VLDLR: variants seen among roughly 807,000 people sequenced by gnomAD.
VLDLR encodes the protein very low density lipoprotein receptor, also known as very low-density lipoprotein receptor.
In VLDLR, 81 loss-of-function variants were observed where a neutral mutation model predicts 112.7. The ratio of observed to expected loss-of-function variants is 0.72; its 90% CI spans 0.60 to 0.86. The LOEUF is 0.86. Ranked by LOEUF, VLDLR falls within the 40% of genes least tolerant of loss-of-function variation. The pLI, the probability that VLDLR is intolerant of heterozygous loss-of-function variation, is 0.00. For missense variants in VLDLR, 1,237 were observed against 1,099.4 expected (o/e 1.13, Z -1.77); for synonymous variants, 436 against 384.8 (o/e 1.13, Z -1.56).
intron 3 of VLDLR, among the ~76,000 whole-genome samples, chr9:2,641,006 T>C (rs148931912): frequency 1.5e-3 from 229 of 152,372 alleles, no homozygotes; most frequent in Non-Finnish European, 2.9e-3. Context: ...ACTTTTCATG[T>C]ATTTGAGATT....
rs35578050 is a variant in VLDLR, at chr9:2,651,251, G to A, written c.2252-164G>A. On this transcript the variant is annotated intron_variant, in intron 15 of 18. Transcript: ENST00000382100. ...TTCATGTATCTCTTTTTTGCATGAA[G>A]ATTGCTATTTCAATGTTGACACATC... Among the ~76,000 whole-genome samples the A allele has an allele frequency of 4.1e-3, 628 of 152,232 alleles. 6 individuals carry two copies. The highest frequency in any genetic ancestry group is 0.014 in the African/African-American group (585 of 41,528).
intron 2 of VLDLR, among the ~76,000 whole-genome samples, chr9:2,637,356 G>A: frequency 6.6e-6 from 1 of 152,172 alleles, no homozygotes; most frequent in East Asian, 1.9e-4. Context: ...TATTAGCCAT[G>A]TGCTTCTGTT....
At chr9:2,640,126 C>G in intron 3 of VLDLR, 145 bp downstream of exon 3, 3 of 1,305,454 alleles carry the variant, frequency 2.3e-6, no homozygotes, top group Non-Finnish European at 3.3e-6. Flanking sequence ...GCAGTCAAAT[C>G]ATTACCAGTT....
chr9:2,643,939 A>G lies in VLDLR; in HGVS notation c.1046A>G (p.Asp349Gly), dbSNP rs1429720245. 5.0e-6 allele frequency: 8 copies of G among 1,614,000 alleles called. No individual in the cohort carries two copies. The Admixed American group carries it at 5.0e-5, about 10-fold the overall frequency. The change falls in exon 7 of 19, where the codon GAT (aspartate) becomes GGT (glycine). Residue 349 changes from aspartate to glycine, a missense_variant. Transcript: ENST00000382100. ...GAGCAGGACTGCAGGGACTGGAGTGATGAGCCCCTGAAAGAGTGTCGTAAG... is the reference window on the plus strand; with the variant it reads ...GAGCAGGACTGCAGGGACTGGAGTGGTGAGCCCCTGAAAGAGTGTCGTAAG... Reference protein sequence around the residue: ...NQEQDCRDWSDEPLKECHINE... With the variant: ...NQEQDCRDWSGEPLKECHINE...
rs115484157 is a variant in VLDLR at position 2,645,253 on chromosome 9, A to G, written c.1312+171A>G. 7.9e-4 allele frequency among the ~76,000 whole-genome samples: 121 copies of G among 152,310 alleles called. 1 individual carries two copies. Among genetic ancestry groups the G allele is most frequent in the African/African-American group, 2.7e-3 (113 of 41,544 alleles). Reference sequence around the variant, plus strand: ...CAAATAGCAGATCTCTCCCCTAGATATGTACCTTGATCATTCCTTTTGCAT... The same window carrying G: ...CAAATAGCAGATCTCTCCCCTAGATGTGTACCTTGATCATTCCTTTTGCAT... On this transcript the variant is annotated intron_variant, in intron 9 of 18. Coordinates refer to ENST00000382100, the MANE Select transcript of VLDLR (RefSeq NM_003383.5).
intron 7 of VLDLR, among the ~76,000 whole-genome samples, 194 bp downstream of exon 7, chr9:2,644,153 G>GTTTTTTTTTTTTTTTTT (rs59793046): frequency 4.1e-5 from 4 of 96,386 alleles, no homozygotes; most frequent in East Asian, 2.9e-4. Flanking sequence ...TGTTTTTGTT[G>GTTTTTTTTTTTTTTTTT]TTTTTTTTTT....
rs1321608573 is a variant in VLDLR, at chr9:2,657,970, T to A, written c.*4102T>A. The stretch of plus-strand genomic sequence containing the variant: ...CCATGCTTCAGCCATATCATGGGCC[T>A]AAACTATGAGAGTTCAGAAATATAT... On this transcript the variant is annotated 3_prime_UTR_variant, in exon 19 of 19. Transcript: ENST00000382100. 6.6e-6 allele frequency: 1 copy of A among 152,216 alleles called. No individual in the cohort carries two copies. Among genetic ancestry groups the A allele is most frequent in the Non-Finnish European group, 1.5e-5 (1 of 68,032 alleles). The allele number at this position is 152,216 out of a possible 1,614,324, so 9.4% of individuals were successfully genotyped here.
chr9:2,624,616 T>A (rs1230107030), intron 1 of VLDLR, among the ~76,000 whole-genome samples: 2 of 152,240 alleles, frequency 1.3e-5, no homozygotes, highest in Non-Finnish European at 2.9e-5. Flanking sequence ...TATTCATATA[T>A]GGCTAGCAAC....
chr9:2,627,845 A>T (rs1817163397), intron 1 of VLDLR, among the ~76,000 whole-genome samples: 2 of 149,266 alleles, frequency 1.3e-5, no homozygotes, highest in East Asian at 4.0e-4. Flanking sequence ...AGCCTGGGCT[A>T]CAGTGCGAGA....
At chr9:2,634,951 A>G (rs2130777084) in intron 1 of VLDLR, among the ~76,000 whole-genome samples, 1 of 152,338 alleles carries the variant, frequency 6.6e-6, no homozygotes, top group South Asian at 2.1e-4. Flanking sequence ...GGCTGATTAT[A>G]GCCACACACG....
chr9:2,650,636 T>C (rs1462701812), intron 15 of VLDLR, 120 bp downstream of exon 15: 18 of 1,371,866 alleles, frequency 1.3e-5, no homozygotes, highest in Admixed American at 3.9e-5. Context: ...TGAGAAGATA[T>C]CTGCTATTGT....
At chr9:2,649,129 A>G (rs972028307) in intron 14 of VLDLR, among the ~76,000 whole-genome samples, 3 of 152,126 alleles carry the variant, frequency 2.0e-5, no homozygotes, top group Admixed American at 6.5e-5. Context: ...CTTTTGTGCT[A>G]CAAGCTTTCT....
In VLDLR at chr9:2,648,224, C is replaced by T; in HGVS notation, c.1839C>T (p.Arg613=). ...CCTACCTAGACCTTATAAAAAGTCG[C>T]CTCTATTGGCTTGATTCTAAGTTGC... ...NGITLDLIKS[R]LYWLDSKLHM... Residue 613 remains arginine, a synonymous_variant, in exon 13 of 19, where the codon CGC becomes CGT. Coordinates refer to ENST00000382100, the MANE Select transcript of VLDLR (RefSeq NM_003383.5). 6.2e-7 allele frequency: 1 copy of T among 1,614,158 alleles called. No individual in the cohort carries two copies. Among genetic ancestry groups the T allele is most frequent in the Non-Finnish European group, 8.5e-7 (1 of 1,180,020 alleles).
Position 2,652,886 on chromosome 9 carries a change from T to C in VLDLR, c.2523T>C (p.Thr841=), listed in dbSNP as rs748255076. The change falls in exon 18 of 19, where the codon ACT becomes ACC. Residue 841 remains threonine, a synonymous_variant. Transcript: ENST00000382100. ...NFDNPVYLKT[T]EEDLSIDIGR... ...ACAATCCTGTGTACTTGAAAACCAC[T>C]GAAGAGGACCTCTCCATAGACATTG... The C allele has an allele frequency of 1.9e-6, 3 of 1,614,124 alleles. No homozygotes were observed. The highest frequency in any genetic ancestry group is 1.7e-5 in the Admixed American group (1 of 60,008).
At chr9:2,637,055 T>C (rs1370948540) in intron 2 of VLDLR, among the ~76,000 whole-genome samples, 1 of 152,210 alleles carries the variant, frequency 6.6e-6, no homozygotes, top group Non-Finnish European at 1.5e-5. Context: ...GAGGTAGATG[T>C]ATATCTAATC....
intron 11 of VLDLR, 69 bp downstream of exon 11, chr9:2,646,621 T>C: frequency 1.5e-6 from 2 of 1,374,890 alleles, no homozygotes; most frequent in Non-Finnish European, 2.1e-6. Flanking sequence ...TTCTCATACC[T>C]GAATTAGTAC....
Position 2,621,875 on chromosome 9 carries a change from C to G in VLDLR, c.-315C>G, listed in dbSNP as rs1285614870. 6 of 597,118 alleles carry G rather than the reference C, an allele frequency of 1.0e-5. No individual in the cohort carries two copies. Among genetic ancestry groups the G allele is most frequent in the East Asian group, 3.6e-5 (1 of 27,748 alleles). 37.0% of individuals were successfully genotyped at this position (597,118 alleles called of 1,614,324 possible). ...CTCTTCTGCTCTCGGCTCCCCACCCCCTCTCCCTTCCCTCCTCTCCCCTTG... is the reference window on the plus strand; with the variant it reads ...CTCTTCTGCTCTCGGCTCCCCACCCGCTCTCCCTTCCCTCCTCTCCCCTTG... On this transcript the variant is annotated 5_prime_UTR_variant, in exon 1 of 19. Transcript: ENST00000382100.
intron 8 of VLDLR, 23 bp downstream of exon 8, chr9:2,644,876 G>T (rs373457375): frequency 1.4e-5 from 23 of 1,614,028 alleles, no homozygotes; most frequent in Non-Finnish European, 1.9e-5. Context: ...AGAAAACCTG[G>T]ACCCTGCAGG....
intron 1 of VLDLR, among the ~76,000 whole-genome samples, chr9:2,624,559 A>G (rs186517290): frequency 6.6e-6 from 1 of 152,216 alleles, no homozygotes; most frequent in Admixed American, 6.5e-5. Flanking sequence ...GTGGTATGAT[A>G]TATTCTTTAA....
Sources: allele counts gnomAD v4.1 joint callset (sites outside exome capture counted in the v4.1 genomes callset), GRCh38; gene constraint gnomAD v4.1.1; transcripts MANE v1.5; gene names NCBI Gene and HGNC (gene_info 2026-07-23, HGNC 2026-07-21).